The following PREP variants were observed in gnomAD, a reference collection of about 807,000 sequenced individuals.
PREP encodes the protein dJ355L5.1 (prolyl endopeptidase).
In PREP, 29 loss-of-function variants were observed where a neutral mutation model predicts 87.6. The ratio of observed to expected loss-of-function variants is 0.33; its 90% confidence interval spans 0.25 to 0.45. The LOEUF is 0.45. Among genes scored for constraint, PREP ranks in the 20% least tolerant of loss-of-function variants. The pLI is 1.00. For synonymous variants in PREP, 337 were observed against 328.6 expected (o/e 1.03, Z -0.28); for missense variants, 695 against 886.5 (o/e 0.78, Z 2.74).
rs879046057 is a variant in PREP, at chr6:105,273,986, C to T, written c.*4158G>A. Among the ~76,000 whole-genome samples, 1 of 152,260 alleles carries T rather than the reference C, an allele frequency of 6.6e-6. No individual in the cohort carries two copies. The highest frequency in any genetic ancestry group is 6.5e-5 in the Admixed American group (1 of 15,284). On this transcript the variant is annotated 3_prime_UTR_variant, in exon 15 of 15. Coordinates refer to ENST00000652536, the MANE Select transcript of PREP (RefSeq NM_002726.5). ...GACCTCGACTCAAATAGCATTCCTT[C>T]TCACGGACTATTCATTTGCCCCACT...
intron 10 of PREP, among the ~76,000 whole-genome samples, chr6:105,316,913 T>C (rs1182519462): frequency 3.9e-5 from 6 of 151,904 alleles, no homozygotes. Context: ...CTATAGTTTT[T>C]AGAGGTAAGA....
rs1028894006 is a variant in PREP, at chr6:105,351,823, A to G, written c.823+1149T>C. ...GAGAATGCAAACACTGATGTGGCCA[A>G]TGCTGGTTTCTTGACACCAAGATGG... On this transcript the variant is annotated intron_variant, in intron 7 of 14. Coordinates refer to ENST00000652536, the MANE Select transcript of PREP (RefSeq NM_002726.5). Among the ~76,000 whole-genome samples the G allele has an allele frequency of 2.0e-5, 3 of 152,318 alleles. No individual in the cohort carries two copies. The East Asian group carries it at 5.8e-4, about 29-fold the overall frequency.
At chr6:105,323,863 A>G (rs1771081666) in intron 9 of PREP, 95 bp from the exon 10 acceptor site, 2 of 1,036,216 alleles carry the variant, frequency 1.9e-6, no homozygotes, top group Non-Finnish European at 3.0e-6. Flanking sequence ...CAGCAATGGC[A>G]AGAGAGGATC....
At chr6:105,328,469 T>C (rs886075005) in intron 9 of PREP, among the ~76,000 whole-genome samples, 2 of 152,136 alleles carry the variant, frequency 1.3e-5, no homozygotes, top group African/African-American at 2.4e-5. Flanking sequence ...TTGCCCAGGA[T>C]GGTCTCAATC....
Position 105,376,258 on chromosome 6 carries a change from G to A in PREP, c.255-3C>T, listed in dbSNP as rs757533801. On this transcript the variant is annotated splice_polypyrimidine_tract_variant and splice_region_variant and intron_variant, in intron 3 of 14. Transcript: ENST00000652536. ...CTGTATTGTAAAAATAAAAATACCT[G>A]GGGAACAGAGATGGTCTTTATTCAG... 6.2e-7 allele frequency: 1 copy of A among 1,612,118 alleles called. No individual in the cohort carries two copies. The highest frequency in any genetic ancestry group is 1.7e-5 in the Admixed American group (1 of 59,872).
At chr6:105,368,459 T>TA (rs1364473519) in intron 6 of PREP, among the ~76,000 whole-genome samples, 3 of 152,134 alleles carry the variant, frequency 2.0e-5, no homozygotes, top group Admixed American at 2.0e-4. Flanking sequence ...CATTTTAATG[T>TA]AAAAACAAGT....
intron 3 of PREP, among the ~76,000 whole-genome samples, chr6:105,377,075 G>A (rs968133007): frequency 6.6e-5 from 10 of 152,172 alleles, no homozygotes; most frequent in South Asian, 2.1e-4. Flanking sequence ...AATTAACTTC[G>A]GAGGCAAACA....
At chr6:105,356,958 A>G (rs1772115395) in intron 6 of PREP, among the ~76,000 whole-genome samples, 1 of 152,140 alleles carries the variant, frequency 6.6e-6, no homozygotes, top group Non-Finnish European at 1.5e-5. Context: ...TGGCTTCCAC[A>G]TTTTAAATTT....
At position 105,397,508 on chromosome 6, in the gene PREP, T is replaced by C. The variant is rs558459600; in HGVS notation, c.120+345A>G. Among the ~76,000 whole-genome samples the C allele has an allele frequency of 2.6e-5, 4 of 152,374 alleles. No homozygotes were observed. In the South Asian group the frequency reaches 8.3e-4, roughly 32 times the overall value. On this transcript the variant is annotated intron_variant, in intron 2 of 14. Coordinates refer to ENST00000652536, the MANE Select transcript of PREP (RefSeq NM_002726.5). ...TTCCTTTTCTTTGGAAAAAAATATT[T>C]AGGCAATTTTTTCCTTTAACATCAT...
chr6:105,331,296 T>C (rs1227236340), intron 8 of PREP, among the ~76,000 whole-genome samples: 2 of 152,190 alleles, frequency 1.3e-5, no homozygotes, highest in Non-Finnish European at 2.9e-5. Flanking sequence ...GAAGGAAGGT[T>C]ATACAAATAT....
Position 105,373,427 on chromosome 6 carries a change from G to C in PREP, c.537C>G (p.Thr179=). Residue 179 remains threonine (T), a synonymous_variant, in exon 5 of 15, where the codon ACC becomes ACG. Coordinates refer to ENST00000652536, the MANE Select transcript of PREP (RefSeq NM_002726.5). The part of the protein sequence containing the change: ...ERVKFSCMAW[T]HDGKGMFYNS... ...TGTAGAACATTCCCTTCCCATCATG[G>C]GTCCAGGCCATACAGCTGAACTTGA... is the stretch of plus-strand genomic sequence containing the variant. 1.2e-6 allele frequency: 2 copies of C among 1,614,104 alleles called. No individual in the cohort carries two copies. The highest frequency in any genetic ancestry group is 1.7e-6 in the Non-Finnish European group (2 of 1,180,018).
intron 10 of PREP, among the ~76,000 whole-genome samples, chr6:105,318,585 C>G (rs1159879328): frequency 6.6e-6 from 1 of 152,132 alleles, no homozygotes; most frequent in Non-Finnish European, 1.5e-5. Context: ...AGCTAGAATG[C>G]CTGCATGATG....
intron 7 of PREP, among the ~76,000 whole-genome samples, chr6:105,345,529 T>C (rs769765679): frequency 6.6e-6 from 1 of 152,210 alleles, no homozygotes; most frequent in Non-Finnish European, 1.5e-5. Flanking sequence ...CTACATGTCA[T>C]AGAAAATGCT....
intron 2 of PREP, among the ~76,000 whole-genome samples, chr6:105,385,283 T>TAAAAA: frequency 8.2e-6 from 1 of 122,654 alleles, no homozygotes; most frequent in Non-Finnish European, 1.7e-5. Flanking sequence ...AGATCTGCTT[T>TAAAAA]AAAAAAAAAA....
At chr6:105,351,207 G>A (rs1308915490) in intron 7 of PREP, among the ~76,000 whole-genome samples, 1 of 152,196 alleles carries the variant, frequency 6.6e-6, no homozygotes, top group African/African-American at 2.4e-5. Context: ...TTAATGAAGA[G>A]AGATTATCCT....
intron 10 of PREP, among the ~76,000 whole-genome samples, chr6:105,315,170 G>A (rs527236763): frequency 7.9e-5 from 12 of 152,048 alleles, no homozygotes; most frequent in South Asian, 6.2e-4. Context: ...TTGTTTTTTC[G>A]TTTCTGTTGA....
intron 10 of PREP, among the ~76,000 whole-genome samples, chr6:105,312,229 G>A (rs1367013824): frequency 2.6e-5 from 4 of 152,146 alleles, no homozygotes; most frequent in Non-Finnish European, 5.9e-5. Flanking sequence ...AGACATGCTT[G>A]TATGCATATA....
chr6:105,338,217 C>A (rs1771529105), intron 7 of PREP, among the ~76,000 whole-genome samples: 1 of 152,164 alleles, frequency 6.6e-6, no homozygotes, highest in Non-Finnish European at 1.5e-5. Context: ...TGATGTGAAA[C>A]CTTTATTTCA....
intron 10 of PREP, among the ~76,000 whole-genome samples, chr6:105,307,461 T>TTTCCA (rs961062340): frequency 2.0e-5 from 3 of 152,134 alleles, no homozygotes; most frequent in African/African-American, 7.2e-5. Flanking sequence ...AATGCTTGAT[T>TTTCCA]GCATCTCCAT....
Sources: gnomAD v4.1 joint callset for allele counts (sites outside exome capture counted in the v4.1 genomes callset) on GRCh38, gnomAD v4.1.1 for gene constraint, MANE v1.5 for transcripts, NCBI Gene and HGNC (gene_info 2026-07-23, HGNC 2026-07-21) for gene names.